Variants in CEP128 observed in about 807,000 individuals in gnomAD.
The protein encoded by CEP128 is centrosomal protein 128kDa.
A neutral mutation model predicts 156.7 loss-of-function variants in CEP128; 132 were observed. The observed-to-expected ratio is 0.84, with a 90% confidence interval of 0.73 to 0.97. CEP128 has a LOEUF of 0.97. CEP128 is among the 50% of genes least tolerant of loss of function. The probability of loss-of-function intolerance (pLI) is 0.00; values close to 1 mark genes in which losing one functional copy is unlikely to be tolerated. For synonymous variants in CEP128, 469 were observed against 448.9 expected (o/e 1.04, Z -0.57); for missense variants, 1,252 against 1,281.9 (o/e 0.98, Z 0.36).
intron 18 of CEP128, among the ~76,000 whole-genome samples, chr14:80,744,481 T>C (rs956837410): frequency 5.3e-5 from 8 of 152,002 alleles, no homozygotes; most frequent in Non-Finnish European, 8.8e-5. Context: ...CCGTAAGTGC[T>C]AAAAATATTG....
Position 80,954,518 on chromosome 14 carries a change from G to A in CEP128, c.-172+3660C>T, listed in dbSNP as rs111513088. On this transcript the variant is annotated intron_variant, in intron 2 of 7. Transcript: ENST00000555529. ...TCCACTTAACCTCCAGCCTAATTAC[G>A]ATATGGAAACCCTGTGTGTTCCCTC... Among the ~76,000 whole-genome samples the A allele has an allele frequency of 3.8e-3, 581 of 152,208 alleles. 3 individuals are homozygous for A. Among genetic ancestry groups the A allele is most frequent in the African/African-American group, 0.013 (538 of 41,526 alleles).
intron 19 of CEP128, among the ~76,000 whole-genome samples, chr14:80,638,718 T>C (rs1894293289): frequency 6.6e-6 from 1 of 152,220 alleles, no homozygotes; most frequent in African/African-American, 2.4e-5. Flanking sequence ...TAAATGTTTA[T>C]TGGGTGAATC....
chr14:80,924,967 GGTAAAAGA>G (rs1216763833), intron 2 of CEP128, among the ~76,000 whole-genome samples: 1 of 151,968 alleles, frequency 6.6e-6, no homozygotes, highest in Non-Finnish European at 1.5e-5. Flanking sequence ...CTGATGGCAA[GGTAAAAGA>G]GTAAAAGATG....
intron 19 of CEP128, among the ~76,000 whole-genome samples, chr14:80,714,866 C>T (rs1437650275): frequency 2.6e-5 from 4 of 152,020 alleles, no homozygotes; most frequent in Non-Finnish European, 4.4e-5. Flanking sequence ...AAGCAATTTC[C>T]ACCCTAAACC....
At chr14:80,895,897 T>C (rs1595560629) in intron 7 of CEP128, 107 bp from the exon 8 acceptor site, 2 of 814,956 alleles carry the variant, frequency 2.5e-6, no homozygotes. Flanking sequence ...TATTCTACTT[T>C]AGTGATTCTC....
intron 19 of CEP128, among the ~76,000 whole-genome samples, chr14:80,626,958 T>C (rs1178760446): frequency 1.3e-5 from 2 of 152,264 alleles, no homozygotes; most frequent in South Asian, 2.1e-4. Flanking sequence ...AAATCAAGCA[T>C]ACATTTTAAC....
intron 15 of CEP128, among the ~76,000 whole-genome samples, chr14:80,781,858 T>G (rs1901138885): frequency 6.6e-6 from 1 of 152,192 alleles, no homozygotes; most frequent in African/African-American, 2.4e-5. Flanking sequence ...AGAGATGATC[T>G]TGAACATGCT....
intron 19 of CEP128, among the ~76,000 whole-genome samples, chr14:80,587,059 A>G (rs1891850495): frequency 6.6e-6 from 1 of 151,922 alleles, no homozygotes; most frequent in African/African-American, 2.4e-5. Flanking sequence ...TTTTTTTTTA[A>G]ATCACCCTTA....
At chr14:80,692,377 C>T (rs537892118) in intron 19 of CEP128, among the ~76,000 whole-genome samples, 1 of 152,028 alleles carries the variant, frequency 6.6e-6, no homozygotes, top group Non-Finnish European at 1.5e-5. Context: ...ATGCTGAGTT[C>T]AATTATTGAA....
chr14:80,689,290 C>CAAAAAAA (rs57054840), intron 19 of CEP128, among the ~76,000 whole-genome samples: 4 of 96,644 alleles, frequency 4.1e-5, no homozygotes, highest in Non-Finnish European at 8.5e-5. Flanking sequence ...GACTCCGTCT[C>CAAAAAAA]AAAAAAAAAA....
intron 19 of CEP128, among the ~76,000 whole-genome samples, chr14:80,633,500 G>C (rs1595123231): frequency 6.6e-6 from 1 of 151,580 alleles, no homozygotes; most frequent in Admixed American, 6.6e-5. Context: ...TGCCACCTCT[G>C]TCTCTCTCTA....
intron 9 of CEP128, among the ~76,000 whole-genome samples, chr14:80,860,168 C>G (rs1034291209): frequency 6.6e-6 from 1 of 152,132 alleles, no homozygotes; most frequent in Admixed American, 6.5e-5. Flanking sequence ...CTTTCCGGAA[C>G]AGTTTAAGCC....
chr14:80,852,389 C>T (rs1347168832), intron 9 of CEP128, among the ~76,000 whole-genome samples: 7 of 151,240 alleles, frequency 4.6e-5, no homozygotes, highest in Admixed American at 1.3e-4. Context: ...TATAACAAAG[C>T]ATATGGTAAT....
At position 80,925,409 on chromosome 14, in the gene CEP128, T is replaced by C. The variant is rs914189243; in HGVS notation, c.-15-8847A>G. ...CAACAGAAGTTATGAAAAGAAGGGT[T>C]TCAAAAAAGTGAGAAAAAAACTGTT... On this transcript the variant is annotated intron_variant, in intron 2 of 24. Transcript: ENST00000555265. Among the ~76,000 whole-genome samples, 56 of 151,908 alleles carry C rather than the reference T, an allele frequency of 3.7e-4. 1 individual carries two copies. The highest frequency in any genetic ancestry group is 4.4e-5 in the Non-Finnish European group (3 of 67,960).
chr14:80,880,679 AC>A (rs1246295121), intron 8 of CEP128, among the ~76,000 whole-genome samples: 2 of 137,384 alleles, frequency 1.5e-5, no homozygotes, highest in African/African-American at 2.8e-5. Flanking sequence ...ACACAGTGAA[AC>A]CCCCTCTCTA....
At chr14:80,892,501 T>G (rs1002808070) in intron 8 of CEP128, among the ~76,000 whole-genome samples, 2 of 151,970 alleles carry the variant, frequency 1.3e-5, no homozygotes, top group Admixed American at 1.3e-4. Context: ...CAATGATTTT[T>G]GCGTATCAAA....
intron 16 of CEP128, among the ~76,000 whole-genome samples, chr14:80,773,433 TATAAA>T (rs1283613067): frequency 6.6e-6 from 1 of 152,100 alleles, no homozygotes; most frequent in African/African-American, 2.4e-5. Flanking sequence ...AAAAATAATT[TATAAA>T]ATAATGTCAA....
At chr14:80,942,684 C>G (rs1305153231), upstream of CEP128, among the ~76,000 whole-genome samples, 2 of 152,072 alleles carry the variant, frequency 1.3e-5, no homozygotes, top group Admixed American at 6.5e-5. Context: ...AGTTGGTCCC[C>G]TCTATTAGCC....
intron 20 of CEP128, among the ~76,000 whole-genome samples, chr14:80,561,896 CTATA>C (rs145642470): frequency 5.6e-5 from 8 of 142,260 alleles, no homozygotes; most frequent in African/African-American, 2.2e-4. Context: ...ATACGAAGGT[CTATA>C]TATATATATA....
Sources: allele counts gnomAD v4.1 joint callset (sites outside exome capture counted in the v4.1 genomes callset), GRCh38; gene constraint gnomAD v4.1.1; transcripts MANE v1.5; gene names NCBI Gene and HGNC (gene_info 2026-07-23, HGNC 2026-07-21).